Variants in NXPE2 observed in about 807,000 individuals in gnomAD.
NXPE2 encodes the protein NXPE family member 2.
In NXPE2, 34 loss-of-function variants were observed where a neutral mutation model predicts 34.4. The observed-to-expected ratio is 0.99, with a 90% CI of 0.75 to 1.31. The LOEUF (loss-of-function observed/expected upper bound fraction) is 1.31. NXPE2 is among the 40% of genes most tolerant of loss of function. The probability of loss-of-function intolerance (pLI) is 0.00; values close to 1 mark genes in which losing one functional copy is unlikely to be tolerated. For synonymous variants in NXPE2, 235 were observed against 231.3 expected (o/e 1.02, Z -0.15); for missense variants, 649 against 672.5 (o/e 0.97, Z 0.39).
At chr11:114,684,466 C>T (rs113993514) in intron 2 of NXPE2, among the ~76,000 whole-genome samples, 7 of 152,066 alleles carry the variant, frequency 4.6e-5, no homozygotes, top group African/African-American at 1.2e-4. Flanking sequence ...TAGGAAACAT[C>T]GGAATACAAA....
At chr11:114,793,392 C>T in the NXPE2 span, among the ~76,000 whole-genome samples, 3 of 152,232 alleles carry the variant, frequency 2.0e-5, no homozygotes, top group Admixed American at 2.0e-4. Flanking sequence ...AGACAAGGCC[C>T]TTGTCCACAA....
the NXPE2 span, among the ~76,000 whole-genome samples, chr11:114,572,233 C>T: frequency 6.6e-6 from 1 of 152,124 alleles, no homozygotes; most frequent in Non-Finnish European, 1.5e-5. Flanking sequence ...CCTTGAATCC[C>T]AGATCTTCCC....
chr11:114,734,656 A>G, the NXPE2 span, among the ~76,000 whole-genome samples: 9 of 152,306 alleles, frequency 5.9e-5, no homozygotes, highest in African/African-American at 1.2e-4. Flanking sequence ...TCATAATTAT[A>G]TATCTCCTGG....
At chr11:114,781,255 C>A in the NXPE2 span, among the ~76,000 whole-genome samples, 25 of 152,176 alleles carry the variant, frequency 1.6e-4, no homozygotes, top group Non-Finnish European at 2.8e-4. Flanking sequence ...TCTGCAGCTT[C>A]CCTGTGGGTA....
the NXPE2 span, among the ~76,000 whole-genome samples, chr11:114,626,048 G>C: frequency 2.6e-5 from 4 of 152,180 alleles, no homozygotes; most frequent in Non-Finnish European, 4.4e-5. Flanking sequence ...CTCACTGATT[G>C]CTAGCACAGC....
chr11:114,781,684 G>A, the NXPE2 span, among the ~76,000 whole-genome samples: 11 of 152,250 alleles, frequency 7.2e-5, no homozygotes, highest in African/African-American at 2.6e-4. Flanking sequence ...CAGTCTAGGG[G>A]GGCCATGAAT....
chr11:114,609,575 C>T, the NXPE2 span, among the ~76,000 whole-genome samples: 1 of 151,824 alleles, frequency 6.6e-6, no homozygotes, highest in Non-Finnish European at 1.5e-5. Flanking sequence ...TGGGTAACCA[C>T]TGTTACCATG....
chr11:114,717,768 G>A, the NXPE2 span, among the ~76,000 whole-genome samples: 2 of 152,146 alleles, frequency 1.3e-5, no homozygotes, highest in East Asian at 3.9e-4. Context: ...TCATCTTCTC[G>A]ACAGCTCTCT....
At chr11:114,695,361 C>T (rs1372100040) in intron 2 of NXPE2, among the ~76,000 whole-genome samples, 1 of 152,124 alleles carries the variant, frequency 6.6e-6, no homozygotes, top group Non-Finnish European at 1.5e-5. Context: ...GCCCTTAAAT[C>T]GTGACCTTCA....
chr11:114,641,304 A>C, the NXPE2 span, among the ~76,000 whole-genome samples: 1 of 152,054 alleles, frequency 6.6e-6, no homozygotes, highest in Non-Finnish European at 1.5e-5. Context: ...GTAGTGTAAA[A>C]AATCCAGTGA....
chr11:114,630,688 T>C, the NXPE2 span, among the ~76,000 whole-genome samples: 4 of 150,848 alleles, frequency 2.7e-5, no homozygotes, highest in South Asian at 8.3e-4. Flanking sequence ...CTAATTAAAC[T>C]AAAGAGCTTC....
the NXPE2 span, among the ~76,000 whole-genome samples, chr11:114,604,934 A>C: frequency 6.6e-6 from 1 of 151,938 alleles, no homozygotes; most frequent in East Asian, 1.9e-4. Context: ...TAGGGTACCC[A>C]CTGTTACCTG....
chr11:114,465,828 A>G, the NXPE2 span, among the ~76,000 whole-genome samples: 2 of 152,186 alleles, frequency 1.3e-5, no homozygotes, highest in African/African-American at 4.8e-5. Context: ...TAAAAGTTTC[A>G]ATGTGATAAT....
At chr11:114,594,530 ATGTTGTTTGG>A in the NXPE2 span, 1 of 650,182 alleles carries the variant, frequency 1.5e-6, no homozygotes, top group African/African-American at 1.8e-5. Context: ...ATTATCAGGT[ATGTTGTTTGG>A]TATCTAGCTA....
chr11:114,670,505 G>C, the NXPE2 span, among the ~76,000 whole-genome samples: 1 of 151,938 alleles, frequency 6.6e-6, no homozygotes, highest in South Asian at 2.1e-4. Context: ...ATCAGCCTGG[G>C]AAACAGCAAG....
the NXPE2 span, among the ~76,000 whole-genome samples, chr11:114,487,323 TG>T: frequency 6.6e-6 from 1 of 152,214 alleles, no homozygotes. Flanking sequence ...GAGATGCTAC[TG>T]ATTTTTGTAT....
chr11:114,508,277 C>T, the NXPE2 span, among the ~76,000 whole-genome samples: 1 of 152,186 alleles, frequency 6.6e-6, no homozygotes, highest in Non-Finnish European at 1.5e-5. Flanking sequence ...ATTTCATGCT[C>T]ATGTATAGGA....
At chr11:114,651,006 A>G in the NXPE2 span, among the ~76,000 whole-genome samples, 1 of 152,160 alleles carries the variant, frequency 6.6e-6, no homozygotes, top group Non-Finnish European at 1.5e-5. Flanking sequence ...CACCCTAAGC[A>G]CAAGGCAACA....
downstream of NXPE2, among the ~76,000 whole-genome samples, chr11:114,711,923 C>A (rs1013061583): frequency 6.6e-6 from 1 of 151,932 alleles, no homozygotes; most frequent in East Asian, 1.9e-4. Flanking sequence ...TGGAACAGAA[C>A]AAAAAGCCCA....
Sources: gnomAD v4.1 joint callset for allele counts (sites outside exome capture counted in the v4.1 genomes callset) on GRCh38, gnomAD v4.1.1 for gene constraint, MANE v1.5 for transcripts, NCBI Gene and HGNC (gene_info 2026-07-23, HGNC 2026-07-21) for gene names.